GGH: variants seen among roughly 807,000 people sequenced by gnomAD.
The protein encoded by GGH is gamma-Glu-X carboxypeptidase.
In GGH, 18 loss-of-function variants were observed where a neutral mutation model predicts 39.2. That is an observed-to-expected ratio of 0.46 (90% CI 0.32 to 0.68). GGH has a LOEUF of 0.68. Ranked by LOEUF, GGH falls within the 30% of genes least tolerant of loss-of-function variation. The pLI, the probability that GGH is intolerant of heterozygous loss-of-function variation, is 0.04. For missense variants in GGH, 367 were observed against 384.1 expected, an observed-to-expected ratio of 0.96 and a Z score of 0.37; for synonymous variants, 147 against 138.8, an observed-to-expected ratio of 1.06 and a Z score of -0.42.
At chr8:63,022,567 T>G (rs1804609784) in intron 7 of GGH, among the ~76,000 whole-genome samples, 1 of 152,142 alleles carries the variant, frequency 6.6e-6, no homozygotes, top group Non-Finnish European at 1.5e-5. Flanking sequence ...TCTTTTTTTT[T>G]TGAAACAGAG....
At position 63,021,665 on chromosome 8, in the gene GGH, T is replaced by C. The variant is rs569569101; in HGVS notation, c.697+2242A>G. On this transcript the variant is annotated intron_variant, in intron 7 of 8. Coordinates refer to ENST00000260118, the MANE Select transcript of GGH (RefSeq NM_003878.3). ...TTGGATGGTATCCATTCAAATCTCA[T>C]ATCCTTTTTTTTTTTTTTTTTTTTT... Among the ~76,000 whole-genome samples the C allele has an allele frequency of 9.8e-5, 14 of 143,058 alleles. No homozygotes were observed. In the South Asian group the frequency reaches 2.8e-3, roughly 29 times the overall value. 93.9% of individuals were successfully genotyped at this position (143,058 alleles called of 152,430 possible).
rs142951254 is a variant in GGH at position 63,030,497 on chromosome 8, G to C, written c.225-280C>G. On this transcript the variant is annotated intron_variant, in intron 2 of 8. Coordinates refer to ENST00000260118, the MANE Select transcript of GGH (RefSeq NM_003878.3). The stretch of plus-strand genomic sequence containing the variant: ...AGTATGCAAAAACAGTAAAGACCGT[G>C]AGATTTGGCCACCAGTAATTTCTCT... Among the ~76,000 whole-genome samples the C allele has an allele frequency of 5.7e-3, 865 of 152,264 alleles. 9 individuals carry two copies. The highest frequency in any genetic ancestry group is 0.02 in the African/African-American group (838 of 41,544).
In GGH at chr8:63,021,669, CTTTTTTT is replaced by C. The variant is rs752057959; in HGVS notation, c.697+2231_697+2237del. 8.6e-5 allele frequency among the ~76,000 whole-genome samples: 8 copies of C among 93,312 alleles called. 1 individual carries two copies. In the Admixed American group the frequency reaches 8.9e-4, roughly 10 times the overall value. The allele number at this position is 93,312 out of a possible 152,430, so 61.2% of individuals were successfully genotyped here. ...ATGGTATCCATTCAAATCTCATATC[CTTTTTTT>C]TTTTTTTTTTTTTTTTGAGGCAGAG... On this transcript the variant is annotated intron_variant, in intron 7 of 8. Coordinates refer to ENST00000260118, the MANE Select transcript of GGH (RefSeq NM_003878.3).
At chr8:63,027,361 C>T (rs1465319679) in intron 3 of GGH, 96 bp from the exon 4 acceptor site, 1 of 640,644 alleles carries the variant, frequency 1.6e-6, no homozygotes, top group Non-Finnish European at 2.8e-6. Flanking sequence ...AACAATTTTT[C>T]TTATTACATA....
chr8:63,025,328 T>A (rs1234513885), intron 5 of GGH: 1 of 152,178 alleles, frequency 6.6e-6, no homozygotes, highest in East Asian at 1.9e-4. Context: ...TCTCCAAGTA[T>A]GAAAGAGGGG....
intron 3 of GGH, among the ~76,000 whole-genome samples, chr8:63,029,216 G>A (rs867222804): frequency 5.3e-5 from 8 of 152,056 alleles, no homozygotes; most frequent in South Asian, 2.1e-4. Flanking sequence ...TGTTGATTTG[G>A]TAGAAATATG....
At chr8:63,037,313 C>T (rs1804928170) in intron 1 of GGH, among the ~76,000 whole-genome samples, 1 of 152,050 alleles carries the variant, frequency 6.6e-6, no homozygotes, top group Non-Finnish European at 1.5e-5. Flanking sequence ...GTACAGGGTA[C>T]ATGGGGTGAG....
chr8:63,030,092 T>C (rs1006791079), intron 3 of GGH, 75 bp downstream of exon 3: 37 of 707,262 alleles, frequency 5.2e-5, no homozygotes, highest in Non-Finnish European at 8.2e-5. Flanking sequence ...GTATAATATT[T>C]ATATGATTTC....
At chr8:63,018,199 A>G (rs1804521233) in intron 7 of GGH, among the ~76,000 whole-genome samples, 1 of 152,134 alleles carries the variant, frequency 6.6e-6, no homozygotes, top group African/African-American at 2.4e-5. Context: ...GCTGTTGACA[A>G]TTGTCAAAGC....
intron 1 of GGH, among the ~76,000 whole-genome samples, chr8:63,036,799 G>C (rs1008140836): frequency 1.6e-4 from 25 of 152,314 alleles, no homozygotes; most frequent in Admixed American, 5.2e-4. Context: ...ATTAGAGCCA[G>C]GTGAGTGAAA....
At chr8:63,030,664 G>A (rs777368576) in intron 2 of GGH, among the ~76,000 whole-genome samples, 3 of 152,032 alleles carry the variant, frequency 2.0e-5, no homozygotes, top group Non-Finnish European at 2.9e-5. Context: ...ATGCCAAGTC[G>A]CTGCCTGATC....
intron 2 of GGH, among the ~76,000 whole-genome samples, 174 bp from the exon 3 acceptor site, chr8:63,030,391 T>C (rs917232727): frequency 2.6e-5 from 4 of 152,228 alleles, no homozygotes; most frequent in Non-Finnish European, 4.4e-5. Context: ...AGCCACATCA[T>C]TCTATCCTTG....
chr8:63,019,266 C>A (rs1355687924), intron 7 of GGH, among the ~76,000 whole-genome samples: 1 of 152,154 alleles, frequency 6.6e-6, no homozygotes, highest in African/African-American at 2.4e-5. Context: ...AAGAAGATCG[C>A]AAATAAACAG....
At chr8:63,033,924 A>G (rs909129567) in intron 2 of GGH, among the ~76,000 whole-genome samples, 1 of 150,440 alleles carries the variant, frequency 6.6e-6, no homozygotes, top group African/African-American at 2.4e-5. Context: ...CTGCATTCAC[A>G]TTGCAGCAAA....
chr8:63,025,680 G>A (rs1008405060), intron 5 of GGH, among the ~76,000 whole-genome samples: 10 of 152,012 alleles, frequency 6.6e-5, no homozygotes, highest in Non-Finnish European at 1.5e-4. Context: ...GCAGTGAGCC[G>A]AGATTGCGTC....
At chr8:63,019,223 A>G (rs543710617) in intron 7 of GGH, among the ~76,000 whole-genome samples, 4 of 152,370 alleles carry the variant, frequency 2.6e-5, no homozygotes, top group African/African-American at 9.6e-5. Flanking sequence ...TCAATTTGCC[A>G]GGAAAATATG....
intron 2 of GGH, among the ~76,000 whole-genome samples, chr8:63,035,173 A>G (rs1016844623): frequency 1.3e-5 from 2 of 152,200 alleles, no homozygotes; most frequent in African/African-American, 4.8e-5. Flanking sequence ...GTTACAGGTA[A>G]CACACAGCTT....
In GGH at chr8:63,015,315, TA is replaced by T; in HGVS notation, c.*16del. On this transcript the variant is annotated 3_prime_UTR_variant, in exon 9 of 9. Transcript: ENST00000260118. ...ATGGAATTATTCAAATTTGCTCTGT[TA>T]ACAAATTGAAGACTTTCAATCAAAT... 7.7e-7 allele frequency: 1 copy of T among 1,301,372 alleles called. No individual in the cohort carries two copies. Among genetic ancestry groups the T allele is most frequent in the Non-Finnish European group, 1.1e-6 (1 of 925,114 alleles). 80.6% of individuals were successfully genotyped at this position (1,301,372 alleles called of 1,614,324 possible).
intron 2 of GGH, among the ~76,000 whole-genome samples, chr8:63,033,936 G>A (rs1443868939): frequency 2.7e-5 from 4 of 148,562 alleles, no homozygotes; most frequent in Non-Finnish European, 4.4e-5. Context: ...TGCAGCAAAG[G>A]ATATGATTTC....
Sources: gnomAD v4.1 joint callset for allele counts (sites outside exome capture counted in the v4.1 genomes callset) on GRCh38, gnomAD v4.1.1 for gene constraint, MANE v1.5 for transcripts, NCBI Gene and HGNC (gene_info 2026-07-23, HGNC 2026-07-21) for gene names.